Variants in PHKB observed in about 807,000 individuals in gnomAD.
PHKB encodes the protein phosphorylase b kinase regulatory subunit beta.
PHKB carries 122 observed loss-of-function variants against 152.1 expected under a neutral mutation model. The observed-to-expected ratio is 0.80, with a 90% confidence interval of 0.69 to 0.93. The LOEUF is 0.93. Among genes scored for constraint, PHKB ranks in the 40% least tolerant of loss-of-function variants. The pLI, the probability that PHKB is intolerant of heterozygous loss-of-function variation, is 0.00. For missense variants in PHKB, 1,304 were observed against 1,328.4 expected (o/e 0.98, Z 0.29); for synonymous variants, 436 against 464.9 (o/e 0.94, Z 0.80).
At chr16:47,682,243 A>G (rs1036065911) in intron 26 of PHKB, among the ~76,000 whole-genome samples, 7 of 151,914 alleles carry the variant, frequency 4.6e-5, no homozygotes, top group Non-Finnish European at 8.8e-5. Context: ...TGTGTCTTGG[A>G]GTTGCTCTTC....
intron 7 of PHKB, among the ~76,000 whole-genome samples, chr16:47,558,151 G>A (rs568000875): frequency 5.4e-5 from 8 of 148,132 alleles, no homozygotes; most frequent in Admixed American, 4.8e-4. Context: ...ACCAAACACT[G>A]CATGTTCTCA....
At chr16:47,663,090 G>C (rs1973471796) in intron 23 of PHKB, among the ~76,000 whole-genome samples, 1 of 152,042 alleles carries the variant, frequency 6.6e-6, no homozygotes, top group Non-Finnish European at 1.5e-5. Context: ...GCTGTAAAAA[G>C]TTTAGAGTAA....
intron 6 of PHKB, among the ~76,000 whole-genome samples, chr16:47,541,618 G>T (rs1971061201): frequency 6.6e-6 from 1 of 152,214 alleles, no homozygotes. Flanking sequence ...CATCAACAGT[G>T]TAAAAGTGTT....
chr16:47,599,444 T>G (rs1377742042), intron 13 of PHKB, among the ~76,000 whole-genome samples: 1 of 152,194 alleles, frequency 6.6e-6, no homozygotes, highest in African/African-American at 2.4e-5. Context: ...GACTACACCC[T>G]ACATAAGCAA....
At chr16:47,475,764 G>C (rs755516093) in intron 1 of PHKB, among the ~76,000 whole-genome samples, 1 of 151,958 alleles carries the variant, frequency 6.6e-6, no homozygotes, top group Non-Finnish European at 1.5e-5. Context: ...TTGGTATTAC[G>C]GTAAGCATTG....
chr16:47,647,424 T>C (rs1269434146), intron 16 of PHKB, among the ~76,000 whole-genome samples: 1 of 150,104 alleles, frequency 6.7e-6, no homozygotes, highest in Non-Finnish European at 1.5e-5. Flanking sequence ...GCGCCCAGCT[T>C]TCCCCTTCAG....
At chr16:47,637,503 G>T (rs1035153882) in intron 14 of PHKB, among the ~76,000 whole-genome samples, 10 of 152,100 alleles carry the variant, frequency 6.6e-5, no homozygotes, top group African/African-American at 2.2e-4. Flanking sequence ...AGCCACAGAG[G>T]TTTCTGGCTG....
intron 13 of PHKB, among the ~76,000 whole-genome samples, chr16:47,605,839 T>C (rs756301461): frequency 1.8e-4 from 28 of 152,142 alleles, no homozygotes; most frequent in South Asian, 8.3e-4. Context: ...TTTTCACCTA[T>C]GTTATGTAGA....
At chr16:47,636,137 T>C (rs1406388008) in intron 14 of PHKB, among the ~76,000 whole-genome samples, 1 of 152,150 alleles carries the variant, frequency 6.6e-6, no homozygotes, top group African/African-American at 2.4e-5. Context: ...GGGTTGATGA[T>C]GAGGAGTTGA....
intron 13 of PHKB, among the ~76,000 whole-genome samples, chr16:47,603,590 G>A (rs1597117701): frequency 6.7e-6 from 1 of 149,188 alleles, no homozygotes; most frequent in East Asian, 2.0e-4. Context: ...TGCAACCTCT[G>A]CCTCCAGGGT....
At chr16:47,530,970 A>G (rs1200951629) in intron 6 of PHKB, among the ~76,000 whole-genome samples, 1 of 152,228 alleles carries the variant, frequency 6.6e-6, no homozygotes, top group Non-Finnish European at 1.5e-5. Flanking sequence ...TTTATTTAGA[A>G]GAATAAACTG....
chr16:47,573,524 A>T (rs766586883), intron 7 of PHKB, among the ~76,000 whole-genome samples: 2 of 152,180 alleles, frequency 1.3e-5, no homozygotes, highest in Non-Finnish European at 2.9e-5. Flanking sequence ...CCCAGCTCTC[A>T]CTTTCTTAAC....
At chr16:47,497,260 T>G in intron 1 of PHKB, 139 bp from the exon 2 acceptor site, 1 of 653,102 alleles carries the variant, frequency 1.5e-6, no homozygotes, top group Non-Finnish European at 2.7e-6. Flanking sequence ...GCAAGAAGGT[T>G]TACAAGTAGT....
chr16:47,654,565 A>C (rs977705325), intron 20 of PHKB, among the ~76,000 whole-genome samples: 1 of 152,142 alleles, frequency 6.6e-6, no homozygotes, highest in Non-Finnish European at 1.5e-5. Flanking sequence ...ATGTCCAACA[A>C]TGATAGACTG....
At chr16:47,481,127 T>C (rs150540894) in intron 1 of PHKB, among the ~76,000 whole-genome samples, 127 of 152,260 alleles carry the variant, frequency 8.3e-4, no homozygotes, top group African/African-American at 2.7e-3. Context: ...AGAGACAGCA[T>C]GGTTTTCTGG....
intron 25 of PHKB, 21 bp from the exon 26 acceptor site, chr16:47,669,194 A>ATAAAATTTTATTG: frequency 6.3e-7 from 1 of 1,587,104 alleles, no homozygotes; most frequent in South Asian, 1.1e-5. Flanking sequence ...GAATTTTACA[A>ATAAAATTTTATTG]TAAAATTCTG....
At chr16:47,550,232 C>G (rs1403323897) in intron 7 of PHKB, among the ~76,000 whole-genome samples, 1 of 152,040 alleles carries the variant, frequency 6.6e-6, no homozygotes, top group Non-Finnish European at 1.5e-5. Flanking sequence ...TAGTGGGCGG[C>G]CAGTATCCTT....
chr16:47,564,828 C>G (rs752608035), intron 7 of PHKB, among the ~76,000 whole-genome samples: 1 of 152,136 alleles, frequency 6.6e-6, no homozygotes, highest in Non-Finnish European at 1.5e-5. Flanking sequence ...GTTCAATTTT[C>G]CCAGCACCAT....
At chr16:47,553,339 G>A (rs2111226) in intron 7 of PHKB, among the ~76,000 whole-genome samples, 47 of 151,684 alleles carry the variant, frequency 3.1e-4, no homozygotes, top group Middle Eastern at 3.4e-3. Context: ...TCTTGATAAC[G>A]TGTGTATGTG....
Sources: allele counts gnomAD v4.1 joint callset (sites outside exome capture counted in the v4.1 genomes callset), GRCh38; gene constraint gnomAD v4.1.1; transcripts MANE v1.5; gene names NCBI Gene and HGNC (gene_info 2026-07-23, HGNC 2026-07-21).